Variants in UBR3 observed in about 807,000 individuals in gnomAD.
The protein encoded by UBR3 is ubiquitin protein ligase E3 component n-recognin 3.
A neutral mutation model predicts 243.2 loss-of-function variants in UBR3; 85 were observed. The observed-to-expected ratio is 0.35, with a 90% CI of 0.29 to 0.42. The LOEUF (loss-of-function observed/expected upper bound fraction) is 0.42. Ranked by LOEUF, UBR3 falls within the 10% of genes least tolerant of loss-of-function variation. The probability of loss-of-function intolerance (pLI) is 1.00; values close to 1 mark genes in which losing one functional copy is unlikely to be tolerated. For synonymous variants in UBR3, 748 were observed against 799.8 expected (o/e 0.94, Z 1.09); for missense variants, 1,686 against 2,300.8 (o/e 0.73, Z 5.47).
At chr2:169,908,986 GC>G (rs1184277069) in intron 10 of UBR3, among the ~76,000 whole-genome samples, 1 of 152,034 alleles carries the variant, frequency 6.6e-6, no homozygotes, top group Non-Finnish European at 1.5e-5. Context: ...ACCAAGCCCG[GC>G]CAATTTTTTG....
intron 1 of UBR3, among the ~76,000 whole-genome samples, chr2:169,851,404 C>T (rs926967391): frequency 9.2e-5 from 14 of 152,374 alleles, no homozygotes; most frequent in Admixed American, 8.5e-4. Context: ...ATTGGGATTA[C>T]AGGCGTGAGC....
At chr2:169,845,369 G>A (rs1297845433) in intron 1 of UBR3, among the ~76,000 whole-genome samples, 2 of 149,726 alleles carry the variant, frequency 1.3e-5, no homozygotes, top group Admixed American at 1.3e-4. Flanking sequence ...GCTGCAGTGA[G>A]CCAGGATGGC....
intron 25 of UBR3, among the ~76,000 whole-genome samples, chr2:169,994,029 G>A (rs78388076): frequency 6.6e-6 from 1 of 152,112 alleles, no homozygotes; most frequent in South Asian, 2.1e-4. Context: ...GAATACTGGA[G>A]AGTTATATCA....
chr2:170,018,595 A>G (rs10754972), intron 30 of UBR3, among the ~76,000 whole-genome samples: 89,000 of 152,054 alleles, frequency 0.59, 27,391 homozygotes, highest in Admixed American at 0.68. Context: ...TGATTCCAGC[A>G]GTGAATTTCC....
At position 169,932,968 on chromosome 2, in the gene UBR3, C is replaced by T. The variant is rs2086193586; in HGVS notation, c.2623C>T (p.Arg875Cys). ...PVMVILRTVY[R>C]RDVQSAMDRY... ...CATGGTCATTCTTCGAACAGTTTACCGTAGAGATGTGCAGTCTGCAATGGA... is the reference window on the plus strand; with the variant it reads ...CATGGTCATTCTTCGAACAGTTTACTGTAGAGATGTGCAGTCTGCAATGGA... Residue 875 changes from arginine (R) to cysteine (C), a missense_variant, in exon 19 of 39, where the codon CGT (arginine) becomes TGT (cysteine). Physicochemically the swap from Arg to Cys is radical, Grantham distance 180 (BLOSUM62 -3). Transcript: ENST00000272793. The T allele has an allele frequency of 6.5e-7, 1 of 1,537,984 alleles. No homozygotes were observed. The highest frequency in any genetic ancestry group is 8.7e-7 in the Non-Finnish European group (1 of 1,143,536).
chr2:169,907,036 CTTTTTTTTTTTTTTTT>C (rs36078695), intron 10 of UBR3, among the ~76,000 whole-genome samples: 1 of 112,360 alleles, frequency 8.9e-6, no homozygotes, highest in Non-Finnish European at 1.8e-5. Flanking sequence ...AAATTTCTTT[CTTTTTTTTTTTTTTTT>C]TTTTTTAGAG....
chr2:170,008,832 A>G lies in UBR3; in HGVS notation c.4259A>G (p.Glu1420Gly). The change falls in exon 29 of 39, where the codon GAA (glutamate) becomes GGA (glycine). Residue 1420 changes from glutamate (E) to glycine (G), a missense_variant. Glu to Gly is a moderately conservative substitution (Grantham distance 98). Around this residue, in one of 8 missense-constraint regions of UBR3, gnomAD observed 371 missense variants for 422.5 expected, o/e 0.88. Transcript: ENST00000272793. The stretch of plus-strand genomic sequence containing the variant: ...GAAACAAATTTAAGTAAAGAAATGG[A>G]ATCTGTAATGAAAGATATAAAAAAT... ...PSETNLSKEM[E>G]SVMKDIKNTT... 1 of 1,440,510 alleles carries G rather than the reference A, an allele frequency of 6.9e-7. No individual in the cohort carries two copies. 89.2% of individuals were successfully genotyped at this position (1,440,510 alleles called of 1,614,324 possible).
intron 10 of UBR3, among the ~76,000 whole-genome samples, chr2:169,913,246 AT>A (rs1225536951): frequency 6.6e-6 from 1 of 150,610 alleles, no homozygotes; most frequent in Non-Finnish European, 1.5e-5. Flanking sequence ...TTTGATTTGC[AT>A]TTTCCTATGA....
At chr2:170,007,423 C>T (rs879627631) in intron 28 of UBR3, among the ~76,000 whole-genome samples, 35 of 152,084 alleles carry the variant, frequency 2.3e-4, no homozygotes, top group African/African-American at 8.2e-4. Flanking sequence ...TCTTCTAGGT[C>T]AAGAACCCCT....
At chr2:170,071,579 A>G (rs1238456552) in intron 35 of UBR3, among the ~76,000 whole-genome samples, 5 of 152,180 alleles carry the variant, frequency 3.3e-5, no homozygotes, top group Non-Finnish European at 1.5e-5. Context: ...AACTATACAT[A>G]AAATGGTTGA....
At chr2:169,867,645 T>A (rs1420360684) in intron 1 of UBR3, among the ~76,000 whole-genome samples, 1 of 152,220 alleles carries the variant, frequency 6.6e-6, no homozygotes, top group Non-Finnish European at 1.5e-5. Flanking sequence ...AACAAAAATT[T>A]CTGAACATGC....
intron 18 of UBR3, 27 bp from the exon 19 acceptor site, chr2:169,932,885 A>G (rs1303225692): frequency 6.6e-6 from 10 of 1,508,150 alleles, no homozygotes; most frequent in Admixed American, 6.3e-5. Context: ...TGAGAAGTCA[A>G]TGTTTCTACT....
At chr2:169,928,552 AT>A in intron 17 of UBR3, among the ~76,000 whole-genome samples, 174 bp from the exon 18 acceptor site, 1 of 152,316 alleles carries the variant, frequency 6.6e-6, no homozygotes, top group Non-Finnish European at 1.5e-5. Flanking sequence ...AAAAATCACA[AT>A]TAAAAACAGT....
chr2:169,927,445 C>T, intron 17 of UBR3, 40 bp downstream of exon 17: 1 of 1,374,980 alleles, frequency 7.3e-7, no homozygotes, highest in Non-Finnish European at 9.9e-7. Flanking sequence ...GTTGCAGGAT[C>T]TAAAATAAGT....
At chr2:169,882,784 G>A (rs1484798570) in intron 5 of UBR3, among the ~76,000 whole-genome samples, 6 of 151,358 alleles carry the variant, frequency 4.0e-5, no homozygotes, top group Non-Finnish European at 8.8e-5. Context: ...CAACAAAAAC[G>A]AAATGAAAAT....
At chr2:169,830,652 C>CT (rs11314592) in intron 1 of UBR3, among the ~76,000 whole-genome samples, 46 of 148,946 alleles carry the variant, frequency 3.1e-4, no homozygotes, top group African/African-American at 1.0e-3. Flanking sequence ...TATGTTTTAT[C>CT]TTTTTTTTTT....
intron 1 of UBR3, among the ~76,000 whole-genome samples, chr2:169,841,212 C>A (rs1310270701): frequency 6.6e-6 from 1 of 152,160 alleles, no homozygotes; most frequent in Non-Finnish European, 1.5e-5. Context: ...TTCATCTTCA[C>A]CTCATTGTCT....
chr2:169,858,270 A>G (rs915339017), intron 1 of UBR3, among the ~76,000 whole-genome samples: 1 of 152,180 alleles, frequency 6.6e-6, no homozygotes, highest in Non-Finnish European at 1.5e-5. Flanking sequence ...AAAGAGGGTC[A>G]TTTTCTAACC....
intron 11 of UBR3, among the ~76,000 whole-genome samples, chr2:169,922,163 G>C (rs62170322): frequency 0.065 from 9,907 of 151,880 alleles, 341 homozygotes; most frequent in Non-Finnish European, 0.084. Flanking sequence ...GTGTGTGTCT[G>C]TAGTCCCAGC....
Sources: gnomAD v4.1 joint callset for allele counts (sites outside exome capture counted in the v4.1 genomes callset) on GRCh38, gnomAD v4.1.1 for gene constraint, gnomAD v4.1.1 regional missense constraint, MANE v1.5 for transcripts, NCBI Gene and HGNC (gene_info 2026-07-23, HGNC 2026-07-21) for gene names.